MTUS2: variants seen among roughly 807,000 people sequenced by gnomAD.
MTUS2 encodes microtubule-associated tumor suppressor candidate 2.
MTUS2 carries 40 observed loss-of-function variants against 114.1 expected under a neutral mutation model. That is an observed-to-expected ratio of 0.35 (90% CI 0.27 to 0.46). The LOEUF is 0.46. MTUS2 is among the 20% of genes least tolerant of loss of function. The pLI is 1.00. For synonymous variants in MTUS2, 688 were observed against 672.0 expected (o/e 1.02, Z -0.37); for missense variants, 1,679 against 1,705.4 (o/e 0.98, Z 0.27).
At chr13:28,930,041 G>C (rs1261551400) in intron 2 of MTUS2, among the ~76,000 whole-genome samples, 1 of 151,974 alleles carries the variant, frequency 6.6e-6, no homozygotes, top group African/African-American at 2.4e-5. Context: ...GATGGCACTG[G>C]GATTTATTTC....
chr13:28,891,496 T>C (rs1044383162), intron 2 of MTUS2, among the ~76,000 whole-genome samples: 2 of 151,876 alleles, frequency 1.3e-5, no homozygotes, highest in Admixed American at 1.3e-4. Flanking sequence ...TAAAAAATAG[T>C]ATGAGGGAGG....
chr13:28,956,854 T>A (rs1883093168), intron 2 of MTUS2, among the ~76,000 whole-genome samples: 1 of 150,206 alleles, frequency 6.7e-6, no homozygotes, highest in African/African-American at 2.5e-5. Flanking sequence ...AAGGCTGCCC[T>A]AGAGATGGGT....
At chr13:29,464,096 G>T (rs1879718066) in intron 9 of MTUS2, among the ~76,000 whole-genome samples, 1 of 152,260 alleles carries the variant, frequency 6.6e-6, no homozygotes, top group Non-Finnish European at 1.5e-5. Context: ...TGCTGGCTGT[G>T]GACAGGATCT....
At chr13:29,425,404 T>C (rs1248643854) in intron 8 of MTUS2, among the ~76,000 whole-genome samples, 4 of 150,388 alleles carry the variant, frequency 2.7e-5, no homozygotes, top group Admixed American at 1.3e-4. Flanking sequence ...AGACTCTGTC[T>C]CAACAAACAA....
In MTUS2 at chr13:29,204,122, G is replaced by C. The variant is rs903677386; in HGVS notation, c.2645-77582G>C. 7.2e-5 allele frequency among the ~76,000 whole-genome samples: 11 copies of C among 152,070 alleles called. No individual in the cohort carries two copies. In the East Asian group the frequency reaches 2.1e-3, roughly 30 times the overall value. ...CTACAGGTGCCCGCCACCACGCCTG[G>C]CTACTTTTTGTATTTTTAGTAGAGA... On this transcript the variant is annotated intron_variant, in intron 5 of 15. Transcript: ENST00000612955.
At chr13:29,197,782 G>GT (rs887218162) in intron 5 of MTUS2, among the ~76,000 whole-genome samples, 7 of 152,244 alleles carry the variant, frequency 4.6e-5, no homozygotes, top group Admixed American at 3.9e-4. Flanking sequence ...TCTCATTGTG[G>GT]TTTTGATTTG....
At chr13:28,979,110 A>G (rs1884246271) in intron 2 of MTUS2, among the ~76,000 whole-genome samples, 1 of 152,196 alleles carries the variant, frequency 6.6e-6, no homozygotes, top group South Asian at 2.1e-4. Context: ...CCAGATTCCA[A>G]GTGGTTTCCT....
intron 8 of MTUS2, among the ~76,000 whole-genome samples, chr13:29,416,440 G>A (rs1875674104): frequency 6.6e-6 from 1 of 150,494 alleles, no homozygotes; most frequent in Admixed American, 6.6e-5. Context: ...CATATATGTA[G>A]CACATATATA....
chr13:29,377,107 A>G (rs1363258829), intron 8 of MTUS2, among the ~76,000 whole-genome samples: 5 of 152,236 alleles, frequency 3.3e-5, no homozygotes, highest in Admixed American at 2.0e-4. Flanking sequence ...AAGCACATCA[A>G]GCAAAAACTG....
chr13:28,940,228 A>G (rs1009713852), intron 2 of MTUS2, among the ~76,000 whole-genome samples: 4 of 152,204 alleles, frequency 2.6e-5, no homozygotes, highest in Non-Finnish European at 4.4e-5. Context: ...ATGTTCATCA[A>G]CAGAAAAAGG....
intron 2 of MTUS2, among the ~76,000 whole-genome samples, chr13:28,948,273 G>A (rs1199427016): frequency 6.6e-6 from 1 of 151,962 alleles, no homozygotes; most frequent in African/African-American, 2.4e-5. Flanking sequence ...TCAGGTGGTC[G>A]ATAAATGTGT....
chr13:29,404,521 C>A (rs1297028156), intron 8 of MTUS2, among the ~76,000 whole-genome samples: 1 of 152,118 alleles, frequency 6.6e-6, no homozygotes, highest in African/African-American at 2.4e-5. Context: ...TATTTGTCCC[C>A]CGTCTCCTCC....
At chr13:29,455,016 A>G (rs1395253714) in intron 9 of MTUS2, among the ~76,000 whole-genome samples, 1 of 152,224 alleles carries the variant, frequency 6.6e-6, no homozygotes, top group African/African-American at 2.4e-5. Flanking sequence ...ATCCTTGGGA[A>G]AAGGGAAGCA....
chr13:29,006,285 A>G (rs1215764936), intron 2 of MTUS2, among the ~76,000 whole-genome samples: 7 of 152,222 alleles, frequency 4.6e-5, no homozygotes, highest in Non-Finnish European at 8.8e-5. Flanking sequence ...AACAAACAGC[A>G]ACAAAACTCC....
intron 5 of MTUS2, among the ~76,000 whole-genome samples, chr13:29,166,630 A>G (rs557739518): frequency 1.3e-5 from 2 of 152,336 alleles, no homozygotes; most frequent in South Asian, 4.1e-4. Flanking sequence ...GGGAAGTCAG[A>G]CTAGTAGCTG....
At chr13:28,885,325 G>A (rs574344655) in intron 2 of MTUS2, among the ~76,000 whole-genome samples, 14 of 152,250 alleles carry the variant, frequency 9.2e-5, no homozygotes, top group Admixed American at 7.2e-4. Context: ...GCTGGGCAGG[G>A]GTTACTTCTG....
At chr13:28,929,800 C>T (rs1196155154) in intron 2 of MTUS2, among the ~76,000 whole-genome samples, 1 of 152,206 alleles carries the variant, frequency 6.6e-6, no homozygotes, top group Non-Finnish European at 1.5e-5. Context: ...CTGGCAGTCA[C>T]AGCCCCTGCT....
chr13:29,298,929 CT>C (rs776022380), intron 6 of MTUS2, among the ~76,000 whole-genome samples: 6 of 152,130 alleles, frequency 3.9e-5, no homozygotes, highest in Non-Finnish European at 8.8e-5. Flanking sequence ...CCTTACTGCC[CT>C]ATGCTGACCG....
chr13:29,291,885 C>T (rs1425506335), intron 6 of MTUS2, among the ~76,000 whole-genome samples: 1 of 152,204 alleles, frequency 6.6e-6, no homozygotes, highest in African/African-American at 2.4e-5. Flanking sequence ...TTCTCAGTTT[C>T]ATCCAACTCT....
Sources: gnomAD v4.1 joint callset for allele counts (sites outside exome capture counted in the v4.1 genomes callset) on GRCh38, gnomAD v4.1.1 for gene constraint, MANE v1.5 for transcripts, NCBI Gene and HGNC (gene_info 2026-07-23, HGNC 2026-07-21) for gene names.